SCML4: variants seen among roughly 807,000 people sequenced by gnomAD.
The protein encoded by SCML4 is Scm polycomb group protein like 4.
SCML4 carries 34 observed loss-of-function variants against 41.1 expected under a neutral mutation model. That is an observed-to-expected ratio of 0.83 (90% CI 0.63 to 1.10). The LOEUF (loss-of-function observed/expected upper bound fraction) is 1.10. Ranked by LOEUF, SCML4 falls within the 50% of genes least tolerant of loss-of-function variation. SCML4 has a pLI of 0.00. For synonymous variants in SCML4, 214 were observed against 220.9 expected (o/e 0.97, Z 0.28); for missense variants, 522 against 534.1 (o/e 0.98, Z 0.22).
chr6:107,781,681 AAAAG>A (rs1414278451), intron 1 of SCML4, among the ~76,000 whole-genome samples: 37 of 152,182 alleles, frequency 2.4e-4, no homozygotes, highest in African/African-American at 8.7e-4. Flanking sequence ...AAAAAAAAAA[AAAAG>A]AAAGAAAGGA....
chr6:107,720,977 G>T lies in SCML4; in HGVS notation c.699C>A (p.Thr233=). 1 of 1,610,614 alleles carries T rather than the reference G, an allele frequency of 6.2e-7. No homozygotes were observed. Among genetic ancestry groups the T allele is most frequent in the Non-Finnish European group, 8.5e-7 (1 of 1,178,368 alleles). The change falls in exon 6 of 8, where the codon ACC becomes ACA. Residue 233 remains threonine, a synonymous_variant. Coordinates refer to ENST00000369020, the MANE Select transcript of SCML4 (RefSeq NM_198081.5). ...GRMESVKTVT[T]EEYLVNPVGM... ...CCACAGGGTTCACCAGGTACTCTTCGGTGGTGACTGTCTTGACTAAGCAAT... is the reference window on the plus strand; with the variant it reads ...CCACAGGGTTCACCAGGTACTCTTCTGTGGTGACTGTCTTGACTAAGCAAT...
the SCML4 span, among the ~76,000 whole-genome samples, chr6:107,836,459 T>G: frequency 6.6e-6 from 1 of 152,102 alleles, no homozygotes; most frequent in Non-Finnish European, 1.5e-5. Context: ...AAGTCCAATG[T>G]CCAGATACTA....
intron 1 of SCML4, among the ~76,000 whole-genome samples, chr6:107,792,696 C>T (rs891840229): frequency 1.3e-5 from 2 of 150,942 alleles, no homozygotes; most frequent in African/African-American, 2.5e-5. Context: ...CCCACCACTG[C>T]GCTCCAGCCT....
At chr6:107,754,977 G>A (rs1311188409) in intron 2 of SCML4, among the ~76,000 whole-genome samples, 1 of 152,052 alleles carries the variant, frequency 6.6e-6, no homozygotes, top group Non-Finnish European at 1.5e-5. Flanking sequence ...GGTGGCATAT[G>A]CCTGTTGTTC....
chr6:107,740,153 C>T (rs934282888), intron 5 of SCML4: 2 of 470,854 alleles, frequency 4.2e-6, no homozygotes, highest in African/African-American at 4.0e-5. Flanking sequence ...AGGCTGTCAT[C>T]CTCCTGGAAT....
At chr6:107,795,307 C>T (rs1782623741) in intron 1 of SCML4, among the ~76,000 whole-genome samples, 1 of 150,094 alleles carries the variant, frequency 6.7e-6, no homozygotes, top group Non-Finnish European at 1.5e-5. Context: ...GTAATATTGC[C>T]ATTTTTTTTA....
chr6:107,842,135 C>T, the SCML4 span, among the ~76,000 whole-genome samples: 2 of 152,094 alleles, frequency 1.3e-5, no homozygotes, highest in African/African-American at 2.4e-5. Context: ...ATTTTGTTCA[C>T]AGTATTTTTT....
intron 1 of SCML4, among the ~76,000 whole-genome samples, chr6:107,809,503 G>A (rs996332158): frequency 6.6e-6 from 1 of 152,224 alleles, no homozygotes; most frequent in Non-Finnish European, 1.5e-5. Flanking sequence ...CCACCAAGGG[G>A]TAGATGGAGA....
intron 6 of SCML4, among the ~76,000 whole-genome samples, chr6:107,718,279 C>T (rs1162620860): frequency 2.0e-5 from 3 of 152,202 alleles, no homozygotes; most frequent in African/African-American, 7.2e-5. Context: ...CTCACGACAT[C>T]TGATGGTCTT....
intron 1 of SCML4, among the ~76,000 whole-genome samples, chr6:107,799,484 T>C (rs1782946869): frequency 6.6e-6 from 1 of 152,230 alleles, no homozygotes; most frequent in Non-Finnish European, 1.5e-5. Context: ...GCCAACATAG[T>C]TGGATCTTGT....
chr6:107,764,927 C>T (rs761905028), intron 2 of SCML4, among the ~76,000 whole-genome samples: 3 of 152,206 alleles, frequency 2.0e-5, no homozygotes, highest in Admixed American at 6.5e-5. Context: ...ACATACTTTT[C>T]GCTTTCCACC....
chr6:107,743,837 A>G (rs1157050056), intron 5 of SCML4: 1 of 152,240 alleles, frequency 6.6e-6, no homozygotes, highest in Non-Finnish European at 1.5e-5. Flanking sequence ...TATGCAGAGA[A>G]TCTAAATTTA....
At chr6:107,811,821 G>T (rs781769303) in intron 1 of SCML4, among the ~76,000 whole-genome samples, 3 of 152,156 alleles carry the variant, frequency 2.0e-5, no homozygotes, top group Non-Finnish European at 2.9e-5. Flanking sequence ...GAACCCAGAG[G>T]GGGACATGAA....
chr6:107,832,656 C>T, the SCML4 span, among the ~76,000 whole-genome samples: 1 of 152,178 alleles, frequency 6.6e-6, no homozygotes, highest in Non-Finnish European at 1.5e-5. Context: ...GAGAAATGTA[C>T]ACCTGAATGA....
intron 1 of SCML4, among the ~76,000 whole-genome samples, chr6:107,791,957 G>C (rs536675020): frequency 6.6e-6 from 1 of 152,134 alleles, no homozygotes; most frequent in East Asian, 1.9e-4. Flanking sequence ...GTGAGACCCC[G>C]TCTCAAAAAC....
At chr6:107,709,973 G>A (rs909242707) in intron 6 of SCML4, among the ~76,000 whole-genome samples, 1 of 152,156 alleles carries the variant, frequency 6.6e-6, no homozygotes, top group African/African-American at 2.4e-5. Flanking sequence ...GCCTCCCAAA[G>A]TGCTGGGTTT....
At position 107,705,100 on chromosome 6, in the gene SCML4, A is replaced by G. The variant is rs570934396; in HGVS notation, c.*100T>C. 9.1e-7 allele frequency: 1 copy of G among 1,095,658 alleles called. No homozygotes were observed. The highest frequency in any genetic ancestry group is 1.6e-5 in the African/African-American group (1 of 64,104). The allele number at this position is 1,095,658 out of a possible 1,614,324, so 67.9% of individuals were successfully genotyped here. A position where few individuals can be genotyped will look rare whatever the true frequency, so the allele number is the denominator to read the frequency against. ...CACGTCTCTGTGGCTGTTAATTTTA[A>G]GAGGAGAGTCTAGTTTGTGATGTTG... On this transcript the variant is annotated 3_prime_UTR_variant, in exon 8 of 8. Coordinates refer to ENST00000369020, the MANE Select transcript of SCML4 (RefSeq NM_198081.5).
chr6:107,838,843 A>T, the SCML4 span, among the ~76,000 whole-genome samples: 1 of 152,242 alleles, frequency 6.6e-6, no homozygotes. Flanking sequence ...GATTGATTTC[A>T]CTAAAAATTA....
intron 1 of SCML4, among the ~76,000 whole-genome samples, chr6:107,791,381 T>C (rs1782317409): frequency 6.6e-6 from 1 of 152,068 alleles, no homozygotes; most frequent in Non-Finnish European, 1.5e-5. Context: ...CCCAAATCTC[T>C]CTCAGTGCAG....
Sources: gnomAD v4.1 joint callset for allele counts (sites outside exome capture counted in the v4.1 genomes callset) on GRCh38, gnomAD v4.1.1 for gene constraint, MANE v1.5 for transcripts, NCBI Gene and HGNC (gene_info 2026-07-23, HGNC 2026-07-21) for gene names.